Variants in PRMT8 observed in about 807,000 individuals in gnomAD.
PRMT8 encodes the protein protein arginine methyltransferase 8.
A neutral mutation model predicts 47.1 loss-of-function variants in PRMT8; 7 were observed. The ratio of observed to expected loss-of-function variants is 0.15; its 90% CI spans 0.08 to 0.28. The LOEUF (loss-of-function observed/expected upper bound fraction) is 0.28, where lower values mean the gene tolerates loss of function less well. PRMT8 is among the 10% of genes least tolerant of loss of function. The pLI is 1.00. For missense variants in PRMT8, 237 were observed against 505.4 expected (o/e 0.47, Z 5.09); for synonymous variants, 188 against 186.5 (o/e 1.01, Z -0.07).
chr12:3,458,092 C>T (rs995078991), intron 1 of PRMT8, among the ~76,000 whole-genome samples: 7 of 152,230 alleles, frequency 4.6e-5, no homozygotes, highest in Admixed American at 1.3e-4. Flanking sequence ...CCGCCCGCCT[C>T]GGCCTCCCAA....
intron 1 of PRMT8, among the ~76,000 whole-genome samples, chr12:3,520,356 C>A (rs558564774): frequency 6.6e-6 from 1 of 152,226 alleles, no homozygotes; most frequent in African/African-American, 2.4e-5. Flanking sequence ...TTCAAACCAG[C>A]GGCTCTTGGC....
At chr12:3,561,500 C>T (rs1381613266) in intron 4 of PRMT8, among the ~76,000 whole-genome samples, 8 of 152,282 alleles carry the variant, frequency 5.3e-5, no homozygotes, top group African/African-American at 9.6e-5. Context: ...ATGACTAAGA[C>T]GCCCTGCAGA....
Position 3,491,287 on chromosome 12 carries a change from T to A in PRMT8, c.-339T>A. 8.9e-7 allele frequency: 1 copy of A among 1,126,266 alleles called. No individual in the cohort carries two copies. The highest frequency in any genetic ancestry group is 1.1e-6 in the Non-Finnish European group (1 of 918,188). The allele number at this position is 1,126,266 out of a possible 1,614,324, so 69.8% of individuals were successfully genotyped here. On this transcript the variant is annotated 5_prime_UTR_variant, in exon 1 of 10. Transcript: ENST00000382622. The stretch of plus-strand genomic sequence containing the variant: ...GACTTTGCGAGCAGCCTGGAGAGGA[T>A]CCGCGACCGCCGCCGCCGCCGCCGC...
intron 1 of PRMT8, among the ~76,000 whole-genome samples, chr12:3,432,249 G>A (rs1409533475): frequency 6.6e-6 from 1 of 152,184 alleles, no homozygotes; most frequent in Non-Finnish European, 1.5e-5. Context: ...GATGGAGATA[G>A]GGCTTTTTTT....
chr12:3,534,126 C>A (rs948797090), intron 1 of PRMT8, among the ~76,000 whole-genome samples: 1 of 152,258 alleles, frequency 6.6e-6, no homozygotes, highest in Non-Finnish European at 1.5e-5. Flanking sequence ...TACTCTGTCC[C>A]CTCCCACTGC....
intron 2 of PRMT8, 28 bp from the exon 3 acceptor site, chr12:3,549,907 AC>A: frequency 1.2e-6 from 2 of 1,610,546 alleles, no homozygotes; most frequent in Non-Finnish European, 1.7e-6. Flanking sequence ...GAATTCACTG[AC>A]ATTTCCTTTC....
intron 1 of PRMT8, among the ~76,000 whole-genome samples, chr12:3,512,244 C>T (rs1175065289): frequency 6.6e-6 from 1 of 152,154 alleles, no homozygotes; most frequent in Non-Finnish European, 1.5e-5. Context: ...CTGCGTCTCC[C>T]ACCTCCCTGA....
At chr12:3,581,940 G>A (rs989684466) in intron 7 of PRMT8, among the ~76,000 whole-genome samples, 5 of 152,146 alleles carry the variant, frequency 3.3e-5, no homozygotes, top group African/African-American at 9.7e-5. Flanking sequence ...CCATTTCATC[G>A]CTTTGCTGGT....
chr12:3,589,941 A>G (rs745729167), intron 8 of PRMT8, among the ~76,000 whole-genome samples: 36 of 151,888 alleles, frequency 2.4e-4, no homozygotes, highest in Non-Finnish European at 4.6e-4. Flanking sequence ...TGTAGGTGGA[A>G]GTGGGGGCGA....
chr12:3,446,342 T>C (rs1864854828), intron 1 of PRMT8, among the ~76,000 whole-genome samples: 1 of 152,020 alleles, frequency 6.6e-6, no homozygotes, highest in African/African-American at 2.4e-5. Context: ...AACCTGCTCC[T>C]GTCTGTAGAA....
chr12:3,520,171 T>C (rs898098084), intron 1 of PRMT8, among the ~76,000 whole-genome samples: 1 of 152,152 alleles, frequency 6.6e-6, no homozygotes, highest in Non-Finnish European at 1.5e-5. Flanking sequence ...CCGGAGACCC[T>C]TTGCAGTTGC....
At chr12:3,495,182 T>A (rs1312324251) in intron 1 of PRMT8, among the ~76,000 whole-genome samples, 6 of 152,218 alleles carry the variant, frequency 3.9e-5, no homozygotes. Flanking sequence ...TCCTCTGAAC[T>A]GTTTGTCCTC....
chr12:3,442,952 C>T (rs1226964563), intron 1 of PRMT8, among the ~76,000 whole-genome samples: 3 of 152,072 alleles, frequency 2.0e-5, no homozygotes, highest in East Asian at 1.9e-4. Context: ...CCACCACGCC[C>T]GGCCTTATTT....
intron 1 of PRMT8, among the ~76,000 whole-genome samples, chr12:3,481,066 T>C (rs1865270244): frequency 6.6e-6 from 1 of 152,180 alleles, no homozygotes; most frequent in South Asian, 2.1e-4. Flanking sequence ...CTTTTGTGGA[T>C]ATTTGATAAA....
intron 1 of PRMT8, among the ~76,000 whole-genome samples, chr12:3,473,388 A>G (rs374990159): frequency 5.3e-5 from 8 of 152,094 alleles, no homozygotes; most frequent in Middle Eastern, 3.4e-3. Flanking sequence ...GACTTCCCCA[A>G]TGGTGCTGCC....
intron 1 of PRMT8, among the ~76,000 whole-genome samples, chr12:3,505,210 C>T (rs1429511879): frequency 3.3e-5 from 5 of 152,122 alleles, no homozygotes; most frequent in Admixed American, 6.5e-5. Flanking sequence ...TCCTATTCGG[C>T]CATCTTGGCT....
chr12:3,529,049 A>G (rs1865987497), intron 1 of PRMT8, among the ~76,000 whole-genome samples: 2 of 152,246 alleles, frequency 1.3e-5, no homozygotes, highest in African/African-American at 4.8e-5. Context: ...TTTCACATCC[A>G]TGGTTTGATC....
At chr12:3,490,712 A>AGAGAGAGAGAGAGAGAGAGG, upstream of PRMT8, among the ~76,000 whole-genome samples, 1 of 140,648 alleles carries the variant, frequency 7.1e-6, no homozygotes, top group Non-Finnish European at 1.6e-5. Context: ...AGAGAGAGAG[A>AGAGAGAGAGAGAGAGAGAGG]GAGAGAGAAA....
At chr12:3,448,740 A>G (rs1266423504) in intron 1 of PRMT8, among the ~76,000 whole-genome samples, 2 of 152,148 alleles carry the variant, frequency 1.3e-5, no homozygotes, top group Non-Finnish European at 1.5e-5. Context: ...ATTTTATTTT[A>G]TTTTATTTTA....
Sources: allele counts gnomAD v4.1 joint callset (sites outside exome capture counted in the v4.1 genomes callset), GRCh38; gene constraint gnomAD v4.1.1; transcripts MANE v1.5; gene names NCBI Gene and HGNC (gene_info 2026-07-23, HGNC 2026-07-21).